Variants in COL24A1 observed in about 807,000 individuals in gnomAD.
The protein encoded by COL24A1 is collagen alpha-1(XXIV) chain.
Under a neutral mutation model 253.9 loss-of-function variants are expected in COL24A1, and 224 were observed. That is an observed-to-expected ratio of 0.88 (90% CI 0.79 to 0.99). The LOEUF (loss-of-function observed/expected upper bound fraction) is 0.99. Among genes scored for constraint, COL24A1 ranks in the 50% least tolerant of loss-of-function variants. The pLI, the probability that COL24A1 is intolerant of heterozygous loss-of-function variation, is 0.00. For synonymous variants in COL24A1, 685 were observed against 673.7 expected, an observed-to-expected ratio of 1.02 and a Z score of -0.26; for missense variants, 2,131 against 2,068.5, an observed-to-expected ratio of 1.03 and a Z score of -0.59.
chr1:85,823,538 C>T lies in COL24A1; in HGVS notation c.3787G>A (p.Glu1263Lys). The T allele has an allele frequency of 6.2e-7, 1 of 1,613,894 alleles. No individual in the cohort carries two copies. The highest frequency in any genetic ancestry group is 1.3e-5 in the African/African-American group (1 of 75,042). ...EQGLKGERGS[E>K]GNKGKKGAPG... is the part of the protein sequence containing the mutation. Reference sequence around the variant, plus strand: ...TGCCTTAAATAATTTCAACTTACTTCAGATCCTCTCTCTCCTTTTAGTCCT... The same window carrying T: ...TGCCTTAAATAATTTCAACTTACTTTAGATCCTCTCTCTCCTTTTAGTCCT... Residue 1263 changes from glutamate to lysine, a missense_variant and splice_region_variant, in exon 45 of 60, where the codon GAA (glutamate) becomes AAA (lysine). Glu to Lys is a moderately conservative substitution (Grantham distance 56). Transcript: ENST00000370571.
chr1:86,033,319 A>T (rs1698736488), intron 13 of COL24A1, among the ~76,000 whole-genome samples: 1 of 152,124 alleles, frequency 6.6e-6, no homozygotes, highest in Non-Finnish European at 1.5e-5. Context: ...GGGAATAGCT[A>T]TTGGATGGTT....
intron 12 of COL24A1, among the ~76,000 whole-genome samples, chr1:86,036,386 T>C (rs896204411): frequency 3.3e-5 from 5 of 152,184 alleles, no homozygotes; most frequent in Non-Finnish European, 7.3e-5. Flanking sequence ...ATCCCTCATA[T>C]GTTGATCATG....
intron 26 of COL24A1, 117 bp downstream of exon 26, chr1:85,909,833 T>C (rs1685190931): frequency 2.4e-6 from 2 of 837,696 alleles, no homozygotes; most frequent in Admixed American, 1.9e-5. Context: ...TAAAATTCTA[T>C]GGGAAATTTA....
intron 34 of COL24A1, 139 bp from the exon 35 acceptor site, chr1:85,874,841 G>A (rs1564517): frequency 0.37 from 282,978 of 761,766 alleles, 55,416 homozygotes; most frequent in African/African-American, 0.49. Context: ...GAAATGGGCT[G>A]CAAAACAGCA....
At chr1:85,902,467 G>A (rs1327867928) in intron 28 of COL24A1, among the ~76,000 whole-genome samples, 1 of 152,146 alleles carries the variant, frequency 6.6e-6, no homozygotes, top group Non-Finnish European at 1.5e-5. Flanking sequence ...TTTCTCAAAT[G>A]TATCACTCTT....
At chr1:86,035,252 C>T (rs753337670) in intron 12 of COL24A1, among the ~76,000 whole-genome samples, 19 of 152,108 alleles carry the variant, frequency 1.2e-4, no homozygotes, top group Non-Finnish European at 2.2e-4. Context: ...CTTTCGTTGT[C>T]TTTGGAAGTC....
In COL24A1 at chr1:85,855,683, G is replaced by A. The variant is rs142753363; in HGVS notation, c.3301-6277C>T. ...TGACCTGAAGTCTTCTTTTTTTGTT[G>A]TTGTATATCAGAATGATGCTGGCCT... On this transcript the variant is annotated intron_variant, in intron 37 of 59. Coordinates refer to ENST00000370571, the MANE Select transcript of COL24A1 (RefSeq NM_152890.7). Among the ~76,000 whole-genome samples, 24 of 151,716 alleles carry A rather than the reference G, an allele frequency of 1.6e-4. 1 individual carries two copies. Among genetic ancestry groups the A allele is most frequent in the African/African-American group, 5.3e-4 (22 of 41,444 alleles).
rs1397163904 is a variant in COL24A1 at position 85,842,114 on chromosome 1, T to C, written c.3524A>G (p.Gln1175Arg). The C allele has an allele frequency of 1.2e-6, 2 of 1,613,574 alleles. No individual in the cohort carries two copies. The highest frequency in any genetic ancestry group is 1.7e-5 in the Admixed American group (1 of 59,962). ...EPGIPGYRGH[Q>R]GQPGPSGLPG... ...CAATCCAGAGGGTCCTGGTTGGCCC[T>C]GATGGCCCTACGAAAGGACAAGTAG... The change falls in exon 41 of 60, where the codon CAG becomes CGG. Residue 1175 changes from glutamine to arginine, a missense_variant. Coordinates refer to ENST00000370571, the MANE Select transcript of COL24A1 (RefSeq NM_152890.7).
At chr1:86,018,658 A>G (rs567355745) in intron 18 of COL24A1, among the ~76,000 whole-genome samples, 1 of 152,240 alleles carries the variant, frequency 6.6e-6, no homozygotes, top group East Asian at 1.9e-4. Flanking sequence ...TTTGTTTTGT[A>G]AAATTTTGAT....
intron 19 of COL24A1, among the ~76,000 whole-genome samples, chr1:86,001,931 A>C (rs1695454956): frequency 6.6e-6 from 1 of 152,224 alleles, no homozygotes; most frequent in African/African-American, 2.4e-5. Context: ...AGACAGACAG[A>C]GACAGTAGAG....
At chr1:85,989,212 C>T (rs903079586) in intron 19 of COL24A1, among the ~76,000 whole-genome samples, 2 of 152,020 alleles carry the variant, frequency 1.3e-5, no homozygotes, top group African/African-American at 4.8e-5. Context: ...CTACCTTCTC[C>T]ATTATGTTCC....
intron 24 of COL24A1, among the ~76,000 whole-genome samples, chr1:85,949,725 T>C (rs1235494223): frequency 6.6e-6 from 1 of 152,150 alleles, no homozygotes; most frequent in Non-Finnish European, 1.5e-5. Context: ...ATCTTTTATC[T>C]TGCAGCTGCA....
intron 3 of COL24A1, among the ~76,000 whole-genome samples, chr1:86,120,345 C>T (rs184606952): frequency 3.8e-4 from 58 of 152,054 alleles, no homozygotes; most frequent in East Asian, 3.3e-3. Context: ...ACCATCAGAG[C>T]GAACAGGAAA....
chr1:85,786,328 C>T lies in COL24A1; in HGVS notation c.4059+26G>A, dbSNP rs562525753. Reference sequence around the variant, plus strand: ...CAGAAAGGATGGCCAATACTGCTTACCCATTGGAACAAAATATTAAAGTAC... The same window carrying T: ...CAGAAAGGATGGCCAATACTGCTTATCCATTGGAACAAAATATTAAAGTAC... On this transcript the variant is annotated intron_variant, in intron 48 of 59. Coordinates refer to ENST00000370571, the MANE Select transcript of COL24A1 (RefSeq NM_152890.7). 3.1e-6 allele frequency: 5 copies of T among 1,597,610 alleles called. No homozygotes were observed. In the South Asian group the frequency reaches 5.5e-5, roughly 18 times the overall value.
chr1:85,841,386 CTTTT>C (rs1042655272), intron 41 of COL24A1, 108 bp from the exon 42 acceptor site: 2 of 737,800 alleles, frequency 2.7e-6, no homozygotes, highest in East Asian at 3.0e-5. Flanking sequence ...TTGATGTTAT[CTTTT>C]TTTAAGTGGA....
At position 85,987,622 on chromosome 1, in the gene COL24A1, T is replaced by C. The variant is rs1269868951; in HGVS notation, c.2343A>G (p.Gln781=). The part of the protein sequence containing the change: ...GFPGDIGIPG[Q]NGPEGPKGLL... ...TTACCTTTGGTCCTTCAGGGCCGTT[T>C]TGTCCAGGAATCCCAATATCTCCTG... The change falls in exon 20 of 60, where the codon CAA becomes CAG. Residue 781 remains glutamine, a synonymous_variant. Transcript: ENST00000370571. 2.5e-6 allele frequency: 4 copies of C among 1,611,038 alleles called. No individual in the cohort carries two copies. Among genetic ancestry groups the C allele is most frequent in the African/African-American group, 1.3e-5 (1 of 74,804 alleles).
chr1:85,731,479 T>C (rs1220920325), intron 59 of COL24A1, among the ~76,000 whole-genome samples: 1 of 152,230 alleles, frequency 6.6e-6, no homozygotes, highest in Admixed American at 6.5e-5. Flanking sequence ...TGAAAATAAG[T>C]TACTTGTCTA....
At chr1:85,886,957 G>C (rs550271388) in intron 32 of COL24A1, among the ~76,000 whole-genome samples, 1 of 151,872 alleles carries the variant, frequency 6.6e-6, no homozygotes, top group African/African-American at 2.4e-5. Flanking sequence ...TTTTGTTTCC[G>C]AGACTGTTGC....
intron 55 of COL24A1, among the ~76,000 whole-genome samples, chr1:85,758,623 G>A (rs887587827): frequency 6.6e-6 from 1 of 152,034 alleles, no homozygotes; most frequent in African/African-American, 2.4e-5. Flanking sequence ...AGAGAACTGA[G>A]CAAGTTACTT....
Sources: allele counts gnomAD v4.1 joint callset (sites outside exome capture counted in the v4.1 genomes callset), GRCh38; gene constraint gnomAD v4.1.1; transcripts MANE v1.5; gene names NCBI Gene and HGNC (gene_info 2026-07-23, HGNC 2026-07-21).